Variants in HMG20A observed in about 807,000 individuals in gnomAD.
The protein encoded by HMG20A is high mobility group 20A, also known as high mobility group protein 20A.
In HMG20A, 17 loss-of-function variants were observed where a neutral mutation model predicts 43.9. That is an observed-to-expected ratio of 0.39 (90% CI 0.27 to 0.58). The LOEUF (loss-of-function observed/expected upper bound fraction) is 0.58, where lower values mean the gene tolerates loss of function less well. HMG20A is among the 20% of genes least tolerant of loss of function. The pLI is 0.59. For missense variants in HMG20A, 341 were observed against 438.2 expected (o/e 0.78, Z 1.98); for synonymous variants, 132 against 147.5 (o/e 0.89, Z 0.76).
chr15:77,486,386 G>A (rs1429373388), downstream of HMG20A, among the ~76,000 whole-genome samples: 6 of 150,390 alleles, frequency 4.0e-5, no homozygotes, highest in Non-Finnish European at 5.9e-5. Context: ...TCAGCCTCCC[G>A]AGTAGCTGGG....
chr15:77,465,119 AGGTGCAGT>A (rs2072742956), intron 3 of HMG20A, among the ~76,000 whole-genome samples: 1 of 151,840 alleles, frequency 6.6e-6, no homozygotes, highest in Non-Finnish European at 1.5e-5. Context: ...AAAATTAGCC[AGGTGCAGT>A]GGTGTGTGCC....
chr15:77,507,602 C>A, the HMG20A span, among the ~76,000 whole-genome samples: 1 of 152,188 alleles, frequency 6.6e-6, no homozygotes, highest in Non-Finnish European at 1.5e-5. Context: ...CCAAGCCACG[C>A]GAAGGGCTGC....
chr15:77,481,241 G>A (rs532521104), intron 9 of HMG20A, among the ~76,000 whole-genome samples: 14 of 152,256 alleles, frequency 9.2e-5, no homozygotes, highest in African/African-American at 3.4e-4. Context: ...ATCCTTCTAG[G>A]GAGTAGCCAG....
At chr15:77,446,625 G>A (rs112209090) in intron 1 of HMG20A, among the ~76,000 whole-genome samples, 1,522 of 152,198 alleles carry the variant, frequency 0.01, 30 homozygotes, top group African/African-American at 0.035. Context: ...GGCTAATACA[G>A]TGAAACCCCA....
At chr15:77,510,843 C>G in the HMG20A span, among the ~76,000 whole-genome samples, 1 of 152,368 alleles carries the variant, frequency 6.6e-6, no homozygotes, top group East Asian at 1.9e-4. Flanking sequence ...CGTCCCTGAG[C>G]TTTCAGCCCA....
chr15:77,450,664 G>A (rs1234419479), intron 1 of HMG20A, among the ~76,000 whole-genome samples: 2 of 152,144 alleles, frequency 1.3e-5, no homozygotes, highest in African/African-American at 2.4e-5. Flanking sequence ...ATGTGTTCGG[G>A]GTAAGCAGTA....
chr15:77,476,088 T>G (rs892998486), intron 6 of HMG20A, among the ~76,000 whole-genome samples: 1 of 152,218 alleles, frequency 6.6e-6, no homozygotes, highest in Non-Finnish European at 1.5e-5. Flanking sequence ...GCGGCCACCG[T>G]TATGAATACA....
intron 1 of HMG20A, among the ~76,000 whole-genome samples, chr15:77,432,666 A>T (rs916050425): frequency 1.1e-4 from 16 of 150,870 alleles, no homozygotes; most frequent in Non-Finnish European, 7.4e-5. Flanking sequence ...AGGTTGCAGT[A>T]AGCCGAGATC....
chr15:77,437,868 G>A (rs1051385727), intron 1 of HMG20A, among the ~76,000 whole-genome samples: 2 of 151,894 alleles, frequency 1.3e-5, no homozygotes, highest in African/African-American at 4.8e-5. Context: ...GCCACTGTGC[G>A]CAGCCCTAAG....
chr15:77,470,854 A>G, intron 4 of HMG20A, 56 bp from the exon 5 acceptor site: 1 of 1,432,358 alleles, frequency 7.0e-7, no homozygotes, highest in Non-Finnish European at 9.2e-7. Flanking sequence ...AGGTAATTTA[A>G]TTTTATTTAA....
At chr15:77,454,284 G>A (rs2072634674) in intron 1 of HMG20A, among the ~76,000 whole-genome samples, 4 of 152,010 alleles carry the variant, frequency 2.6e-5, no homozygotes, top group Admixed American at 2.6e-4. Flanking sequence ...TGATGAAAAT[G>A]TTCTAAAATT....
intron 1 of HMG20A, among the ~76,000 whole-genome samples, chr15:77,448,045 T>A (rs2073694400): frequency 6.6e-6 from 1 of 152,234 alleles, no homozygotes; most frequent in African/African-American, 2.4e-5. Context: ...TTCCAGTTAT[T>A]TTGAACTTAG....
chr15:77,470,682 G>A (rs2072798815), intron 4 of HMG20A, among the ~76,000 whole-genome samples: 1 of 151,976 alleles, frequency 6.6e-6, no homozygotes, highest in Admixed American at 6.6e-5. Context: ...GGTTAGAAAA[G>A]GCAATAAATA....
At chr15:77,509,525 G>A in the HMG20A span, among the ~76,000 whole-genome samples, 2 of 150,854 alleles carry the variant, frequency 1.3e-5, no homozygotes, top group Non-Finnish European at 3.0e-5. Flanking sequence ...CAAAGTGCTG[G>A]GAATACAGGC....
chr15:77,446,345 T>A (rs1336422854), intron 1 of HMG20A, among the ~76,000 whole-genome samples: 1 of 152,192 alleles, frequency 6.6e-6, no homozygotes, highest in Non-Finnish European at 1.5e-5. Flanking sequence ...TTGGGATTTT[T>A]AAATCTTATT....
At chr15:77,468,231 ATTCTT>A (rs2072774014) in intron 4 of HMG20A, among the ~76,000 whole-genome samples, 1 of 152,150 alleles carries the variant, frequency 6.6e-6, no homozygotes, top group Non-Finnish European at 1.5e-5. Flanking sequence ...ATACTATGCT[ATTCTT>A]TTCTTTTTTT....
chr15:77,471,078 T>C (rs2072803925), intron 5 of HMG20A, 36 bp downstream of exon 5: 1 of 1,596,068 alleles, frequency 6.3e-7, no homozygotes, highest in Non-Finnish European at 8.5e-7. Flanking sequence ...TTGTAGTTTG[T>C]TGTGGGTGAT....
chr15:77,509,028 G>T, the HMG20A span, among the ~76,000 whole-genome samples: 6 of 152,162 alleles, frequency 3.9e-5, no homozygotes, highest in African/African-American at 1.4e-4. Context: ...CAGGACCTGT[G>T]TAAGAGGTAG....
At chr15:77,453,295 CAG>C (rs2072621458) in intron 1 of HMG20A, among the ~76,000 whole-genome samples, 1 of 152,138 alleles carries the variant, frequency 6.6e-6, no homozygotes, top group African/African-American at 2.4e-5. Flanking sequence ...TTCTCCAAAA[CAG>C]ATAAACAAAT....
Sources: allele counts gnomAD v4.1 joint callset (sites outside exome capture counted in the v4.1 genomes callset), GRCh38; gene constraint gnomAD v4.1.1; transcripts MANE v1.5; gene names NCBI Gene and HGNC (gene_info 2026-07-23, HGNC 2026-07-21).